IFT56: variants seen among roughly 807,000 people sequenced by gnomAD.
IFT56 encodes intraflagellar transport 56.
chr7:139,161,093 G>C, the IFT56 span: 1 of 1,390,932 alleles, frequency 7.2e-7, no homozygotes, highest in East Asian at 2.3e-5. Context: ...CAATTAGAAA[G>C]ATTAATAAAA....
chr7:139,155,481 A>G, the IFT56 span, among the ~76,000 whole-genome samples: 1 of 152,068 alleles, frequency 6.6e-6, no homozygotes, highest in Non-Finnish European at 1.5e-5. Flanking sequence ...GGAACTTCCA[A>G]ATGTTTTTTA....
At chr7:139,138,281 CA>C in the IFT56 span, among the ~76,000 whole-genome samples, 23 of 152,110 alleles carry the variant, frequency 1.5e-4, no homozygotes, top group Non-Finnish European at 2.8e-4. Context: ...AGAGACAGAG[CA>C]AAAGAGACCA....
the IFT56 span, among the ~76,000 whole-genome samples, chr7:139,160,318 G>T: frequency 6.6e-6 from 1 of 152,204 alleles, no homozygotes; most frequent in South Asian, 2.1e-4. Flanking sequence ...GTTGTTTAAG[G>T]CTTAGTTCGT....
chr7:139,180,128 G>C, the IFT56 span, among the ~76,000 whole-genome samples: 1 of 151,792 alleles, frequency 6.6e-6, no homozygotes, highest in Non-Finnish European at 1.5e-5. Context: ...ACGAGGTCAG[G>C]AGATCGAGAC....
chr7:139,177,041 G>A, the IFT56 span, among the ~76,000 whole-genome samples: 1 of 151,824 alleles, frequency 6.6e-6, no homozygotes, highest in East Asian at 1.9e-4. Flanking sequence ...GTGTGGTGGT[G>A]TGTGCCTGTA....
At chr7:139,163,352 A>G in the IFT56 span, among the ~76,000 whole-genome samples, 1 of 152,146 alleles carries the variant, frequency 6.6e-6, no homozygotes, top group Non-Finnish European at 1.5e-5. Context: ...AAAAAAAAAA[A>G]AAAGAAAAAA....
At chr7:139,152,878 G>A in the IFT56 span, among the ~76,000 whole-genome samples, 45,151 of 152,160 alleles carry the variant, frequency 0.3, 13,188 homozygotes, top group African/African-American at 0.74. Context: ...GCCAGGCACA[G>A]TGTCTCATGC....
chr7:139,164,076 T>C, the IFT56 span, among the ~76,000 whole-genome samples: 1 of 152,242 alleles, frequency 6.6e-6, no homozygotes, highest in Non-Finnish European at 1.5e-5. Context: ...TATCACCTGA[T>C]AACATATTTA....
chr7:139,174,186 TC>T, the IFT56 span: 1 of 593,884 alleles, frequency 1.7e-6, no homozygotes, highest in South Asian at 1.4e-5. Context: ...TATCCCAGCT[TC>T]TGTTCCAGCC....
the IFT56 span, among the ~76,000 whole-genome samples, chr7:139,149,901 C>T: frequency 6.6e-6 from 1 of 151,730 alleles, no homozygotes; most frequent in Non-Finnish European, 1.5e-5. Flanking sequence ...CACATATATA[C>T]ATATATAATA....
At chr7:139,188,924 G>A in the IFT56 span, among the ~76,000 whole-genome samples, 1 of 152,160 alleles carries the variant, frequency 6.6e-6, no homozygotes, top group Non-Finnish European at 1.5e-5. Context: ...AAATCCATGA[G>A]TTAGACAAAT....
the IFT56 span, among the ~76,000 whole-genome samples, chr7:139,172,211 A>G: frequency 2.0e-5 from 3 of 152,232 alleles, no homozygotes; most frequent in African/African-American, 7.2e-5. Context: ...GTCTATTGAA[A>G]TAGCCTAACC....
chr7:139,190,554 G>A, the IFT56 span: 2 of 152,176 alleles, frequency 1.3e-5, no homozygotes, highest in Admixed American at 1.3e-4. Context: ...CCAAACATCA[G>A]TTTTGAAAGT....
chr7:139,153,849 T>A, the IFT56 span, among the ~76,000 whole-genome samples: 1 of 152,232 alleles, frequency 6.6e-6, no homozygotes, highest in African/African-American at 2.4e-5. Flanking sequence ...CTCTCAGGTT[T>A]ATACCTAGGA....
chr7:139,134,123 G>A, the IFT56 span, among the ~76,000 whole-genome samples: 1 of 152,200 alleles, frequency 6.6e-6, no homozygotes, highest in Non-Finnish European at 1.5e-5. Context: ...GAAGCAATGC[G>A]AAAGCATCTC....
chr7:139,185,386 G>A, the IFT56 span, among the ~76,000 whole-genome samples: 5 of 151,884 alleles, frequency 3.3e-5, no homozygotes, highest in African/African-American at 1.2e-4. Flanking sequence ...CTAGGTGAAA[G>A]GTACACATGA....
the IFT56 span, chr7:139,187,421 TA>T: frequency 2.5e-6 from 4 of 1,614,198 alleles, no homozygotes; most frequent in Admixed American, 6.7e-5. Context: ...CCAGTTTTAC[TA>T]TTCTGCCAAA....
the IFT56 span, chr7:139,187,315 A>G: frequency 6.8e-7 from 1 of 1,480,500 alleles, no homozygotes; most frequent in Non-Finnish European, 9.2e-7. Flanking sequence ...CACTTATTTC[A>G]TACAGTCCCG....
the IFT56 span, among the ~76,000 whole-genome samples, chr7:139,136,945 A>G: frequency 1.3e-5 from 2 of 152,224 alleles, no homozygotes; most frequent in African/African-American, 2.4e-5. Flanking sequence ...ATGATACTCA[A>G]ATTCATAGCA....
Sources: allele counts gnomAD v4.1 joint callset (sites outside exome capture counted in the v4.1 genomes callset), GRCh38; gene constraint gnomAD v4.1.1; transcripts MANE v1.5; gene names NCBI Gene and HGNC (gene_info 2026-07-23, HGNC 2026-07-21).